The following LRRIQ1 variants were observed in gnomAD, a reference collection of about 807,000 sequenced individuals.
LRRIQ1 encodes leucine-rich repeat- and IQ domain-containing protein 1.
LRRIQ1 carries 210 observed loss-of-function variants against 211.9 expected under a neutral mutation model. The ratio of observed to expected loss-of-function variants is 0.99; its 90% CI spans 0.89 to 1.11. The LOEUF (loss-of-function observed/expected upper bound fraction) is 1.11, where lower values mean the gene tolerates loss of function less well. Ranked by LOEUF, LRRIQ1 falls within the 50% of genes most tolerant of loss-of-function variation. The probability of loss-of-function intolerance (pLI) is 0.00; values close to 1 mark genes in which losing one functional copy is unlikely to be tolerated. For synonymous variants in LRRIQ1, 699 were observed against 650.1 expected (o/e 1.08, Z -1.14); for missense variants, 2,136 against 1,939.5 (o/e 1.10, Z -1.90).
chr12:85,240,687 A>G (rs1895419829), intron 26 of LRRIQ1, among the ~76,000 whole-genome samples: 1 of 152,144 alleles, frequency 6.6e-6, no homozygotes, highest in African/African-American at 2.4e-5. Context: ...AATAAACAAG[A>G]AAGCTGTTGA....
At position 85,065,419 on chromosome 12, in the gene LRRIQ1, G is replaced by A. The variant is rs768557907; in HGVS notation, c.2544+5G>A. ...CTTAAGTACATTGATGCACAGGTAT[G>A]CTCTCTGCCCTACTGTTATTTATTT... is the stretch of plus-strand genomic sequence containing the variant. On this transcript the variant is annotated splice_donor_5th_base_variant and intron_variant, in intron 9 of 26. Coordinates refer to ENST00000393217, the MANE Select transcript of LRRIQ1 (RefSeq NM_001079910.2). 34 of 1,592,100 alleles carry A rather than the reference G, an allele frequency of 2.1e-5. No homozygotes were observed. The highest frequency in any genetic ancestry group is 2.9e-5 in the Non-Finnish European group (34 of 1,168,032).
intron 24 of LRRIQ1, among the ~76,000 whole-genome samples, chr12:85,195,782 C>G (rs1892872242): frequency 1.3e-5 from 2 of 152,166 alleles, no homozygotes; most frequent in East Asian, 1.9e-4. Context: ...GGGATGCCCT[C>G]TCTCACCACT....
At chr12:85,163,478 A>G (rs1891001425) in intron 24 of LRRIQ1, among the ~76,000 whole-genome samples, 1 of 152,170 alleles carries the variant, frequency 6.6e-6, no homozygotes, top group Admixed American at 6.5e-5. Flanking sequence ...TTTTGTTGAA[A>G]TTGGATCATA....
intron 8 of LRRIQ1, among the ~76,000 whole-genome samples, chr12:85,059,957 A>AATGTAGCTT (rs1268173686): frequency 6.6e-6 from 1 of 152,000 alleles, no homozygotes. Context: ...ATGAATGTAA[A>AATGTAGCTT]ATTACTGAAG....
At chr12:85,077,279 G>A (rs1329657178) in intron 11 of LRRIQ1, among the ~76,000 whole-genome samples, 1 of 152,196 alleles carries the variant, frequency 6.6e-6, no homozygotes, top group Non-Finnish European at 1.5e-5. Flanking sequence ...TTTGTAGAAA[G>A]TATGGCCAAA....
chr12:85,156,388 T>C (rs75048847), intron 23 of LRRIQ1, among the ~76,000 whole-genome samples: 333 of 151,802 alleles, frequency 2.2e-3, no homozygotes, highest in African/African-American at 7.8e-3. Flanking sequence ...AAAAAGAAAA[T>C]CTGAGAGATA....
intron 19 of LRRIQ1, among the ~76,000 whole-genome samples, chr12:85,146,917 A>G (rs1459879868): frequency 6.6e-6 from 1 of 151,798 alleles, no homozygotes; most frequent in Non-Finnish European, 1.5e-5. Context: ...GAGTTGTCCA[A>G]ATAGATCTAT....
At chr12:85,201,629 T>C (rs960246176) in intron 24 of LRRIQ1, among the ~76,000 whole-genome samples, 1 of 152,174 alleles carries the variant, frequency 6.6e-6, no homozygotes, top group Non-Finnish European at 1.5e-5. Context: ...GGGTCAGTGG[T>C]AATGTCCCCT....
At chr12:85,228,699 G>T (rs900754894) in intron 24 of LRRIQ1, among the ~76,000 whole-genome samples, 3 of 152,148 alleles carry the variant, frequency 2.0e-5, no homozygotes, top group African/African-American at 7.2e-5. Context: ...GTGTCTGCAC[G>T]TACATGCACA....
intron 24 of LRRIQ1, among the ~76,000 whole-genome samples, chr12:85,183,377 TG>T (rs1892080203): frequency 1.3e-5 from 2 of 152,020 alleles, no homozygotes; most frequent in Non-Finnish European, 2.9e-5. Flanking sequence ...CTACATGCCT[TG>T]TAGACTGAAA....
intron 17 of LRRIQ1, among the ~76,000 whole-genome samples, chr12:85,127,216 C>CT (rs1226053721): frequency 2.0e-5 from 3 of 152,136 alleles, no homozygotes; most frequent in African/African-American, 7.2e-5. Context: ...TGCTGGGCAA[C>CT]TTAAGGAGAT....
intron 24 of LRRIQ1, among the ~76,000 whole-genome samples, chr12:85,195,045 C>G (rs569978985): frequency 1.3e-5 from 2 of 152,122 alleles, no homozygotes; most frequent in African/African-American, 4.8e-5. Flanking sequence ...CTACAAACAC[C>G]TCTATGCAAA....
chr12:85,055,762 A>G lies in LRRIQ1; in HGVS notation c.969A>G (p.Glu323=). 1 of 1,609,252 alleles carries G rather than the reference A, an allele frequency of 6.2e-7. No homozygotes were observed. Among genetic ancestry groups the G allele is most frequent in the Non-Finnish European group, 8.5e-7 (1 of 1,177,370 alleles). The change falls in exon 8 of 27, where the codon GAA becomes GAG. Residue 323 remains glutamate, a synonymous_variant. Transcript: ENST00000393217. ...SKKRKAQEWK[E]KEAKIRQKEE... Reference sequence around the variant, plus strand: ...AAAGGAAAGCACAAGAGTGGAAGGAAAAGGAAGCAAAAATACGACAAAAGG... The same window carrying G: ...AAAGGAAAGCACAAGAGTGGAAGGAGAAGGAAGCAAAAATACGACAAAAGG...
chr12:85,052,735 T>C (rs1880483580), intron 7 of LRRIQ1, among the ~76,000 whole-genome samples: 1 of 152,114 alleles, frequency 6.6e-6, no homozygotes, highest in African/African-American at 2.4e-5. Flanking sequence ...TCCTTTTTTG[T>C]ATTCCTTTCA....
At chr12:85,048,558 C>CAAAAAAAAAA (rs35906760) in intron 6 of LRRIQ1, 1 of 77,952 alleles carries the variant, frequency 1.3e-5, no homozygotes, top group African/African-American at 5.3e-5. Context: ...GACTCCGTCT[C>CAAAAAAAAAA]AAAAAAAAAA....
At chr12:85,264,476 GT>G (rs1896381983), downstream of LRRIQ1, 1 of 151,948 alleles carries the variant, frequency 6.6e-6, no homozygotes, top group Non-Finnish European at 1.5e-5. Flanking sequence ...GAAACTGGAA[GT>G]TTTTTTATAG....
chr12:85,186,073 AAAT>A (rs1892215705), intron 24 of LRRIQ1, among the ~76,000 whole-genome samples: 1 of 152,134 alleles, frequency 6.6e-6, no homozygotes, highest in Non-Finnish European at 1.5e-5. Context: ...ATTGAAGAGC[AAAT>A]AATAAAAATG....
intron 6 of LRRIQ1, among the ~76,000 whole-genome samples, chr12:85,051,747 G>A (rs1471001141): frequency 2.6e-5 from 4 of 152,052 alleles, no homozygotes; most frequent in African/African-American, 4.8e-5. Flanking sequence ...GAGTCTTATC[G>A]AATGTGTTGA....
intron 26 of LRRIQ1, among the ~76,000 whole-genome samples, chr12:85,236,459 A>G (rs942927299): frequency 3.3e-5 from 5 of 152,106 alleles, no homozygotes; most frequent in Non-Finnish European, 5.9e-5. Context: ...TAAATGGGCA[A>G]GTGTATGTGA....
Sources: gnomAD v4.1 joint callset for allele counts (sites outside exome capture counted in the v4.1 genomes callset) on GRCh38, gnomAD v4.1.1 for gene constraint, MANE v1.5 for transcripts, NCBI Gene and HGNC (gene_info 2026-07-23, HGNC 2026-07-21) for gene names.